ARHGEF12: variants seen among roughly 807,000 people sequenced by gnomAD.
The protein encoded by ARHGEF12 is Rho guanine nucleotide exchange factor 12.
Under a neutral mutation model 211.2 loss-of-function variants are expected in ARHGEF12, and 66 were observed. The ratio of observed to expected loss-of-function variants is 0.31; its 90% confidence interval spans 0.26 to 0.38. ARHGEF12 has a LOEUF of 0.38. Ranked by LOEUF, ARHGEF12 falls within the 10% of genes least tolerant of loss-of-function variation. The pLI, the probability that ARHGEF12 is intolerant of heterozygous loss-of-function variation, is 1.00. For missense variants in ARHGEF12, 1,429 were observed against 1,869.5 expected (o/e 0.76, Z 4.34); for synonymous variants, 592 against 638.4 (o/e 0.93, Z 1.09).
intron 1 of ARHGEF12, among the ~76,000 whole-genome samples, chr11:120,378,879 A>G (rs535359117): frequency 6.6e-6 from 1 of 152,188 alleles, no homozygotes; most frequent in African/African-American, 2.4e-5. Context: ...AAGTCTTTAA[A>G]TAAGGTAATA....
intron 20 of ARHGEF12, chr11:120,448,823 A>T: frequency 3.0e-6 from 1 of 333,296 alleles, no homozygotes. Flanking sequence ...TGTTGAATGG[A>T]TGAATGAATT....
rs540893391 is a variant in ARHGEF12, at chr11:120,487,559, T to C, written c.*2482T>C. The C allele has an allele frequency of 4.7e-6, 1 of 214,046 alleles. No individual in the cohort carries two copies. Among genetic ancestry groups the C allele is most frequent in the South Asian group, 1.9e-4 (1 of 5,344 alleles). The allele number at this position is 214,046 out of a possible 1,614,324, so 13.3% of individuals were successfully genotyped here. A position where few individuals can be genotyped will look rare whatever the true frequency, so the allele number is the denominator to read the frequency against. ...TTCCTTTCAGGATGATGGAATTAGA[T>C]GCAGTCTGTCTTTGAGTGAGACTGG... On this transcript the variant is annotated 3_prime_UTR_variant, in exon 41 of 41. Coordinates refer to ENST00000397843, the MANE Select transcript of ARHGEF12 (RefSeq NM_015313.3).
At chr11:120,373,856 G>A (rs186778285) in intron 1 of ARHGEF12, among the ~76,000 whole-genome samples, 16 of 152,296 alleles carry the variant, frequency 1.1e-4, no homozygotes, top group Admixed American at 9.8e-4. Context: ...TGCCTGGGCT[G>A]GAGTGCAATG....
chr11:120,479,853 A>G (rs2136001666), intron 37 of ARHGEF12, 107 bp from the exon 38 acceptor site: 1 of 852,198 alleles, frequency 1.2e-6, no homozygotes, highest in Middle Eastern at 2.4e-4. Context: ...TCATTAAAAG[A>G]TACTTTTTAA....
intron 1 of ARHGEF12, among the ~76,000 whole-genome samples, chr11:120,351,088 G>A (rs555245598): frequency 1.3e-5 from 2 of 152,024 alleles, no homozygotes; most frequent in African/African-American, 4.8e-5. Context: ...GGTGACTCAC[G>A]CCTATAATCC....
chr11:120,410,796 C>T (rs985082261), intron 4 of ARHGEF12: 1 of 152,160 alleles, frequency 6.6e-6, no homozygotes, highest in African/African-American at 2.4e-5. Context: ...TTTCTTCCTT[C>T]CAGAGTATTT....
chr11:120,337,767 G>T, intron 1 of ARHGEF12: 2 of 985,448 alleles, frequency 2.0e-6, no homozygotes, highest in Non-Finnish European at 2.4e-6. Context: ...ATGTTGACCT[G>T]CACGGTGTTT....
chr11:120,377,810 A>T (rs1943771659), intron 1 of ARHGEF12, among the ~76,000 whole-genome samples: 1 of 152,132 alleles, frequency 6.6e-6, no homozygotes, highest in Admixed American at 6.5e-5. Context: ...GGCTATTTTG[A>T]ATAAATCTGA....
At chr11:120,349,914 A>G (rs1198503100) in intron 1 of ARHGEF12, among the ~76,000 whole-genome samples, 1 of 152,220 alleles carries the variant, frequency 6.6e-6, no homozygotes, top group Non-Finnish European at 1.5e-5. Context: ...TTAGAATTAA[A>G]TGCGTTTGCG....
At position 120,480,446 on chromosome 11, in the gene ARHGEF12, A is replaced by C; in HGVS notation, c.4237+16A>C. Reference sequence around the variant, plus strand: ...CGCATCTCAGGCAAGTATCTTTCACACTTAAACTTTGATTTTGATTTTGAT... The same window carrying C: ...CGCATCTCAGGCAAGTATCTTTCACCCTTAAACTTTGATTTTGATTTTGAT... On this transcript the variant is annotated intron_variant, in intron 38 of 40. Transcript: ENST00000397843. 2.5e-6 allele frequency: 4 copies of C among 1,584,750 alleles called. No individual in the cohort carries two copies. The highest frequency in any genetic ancestry group is 3.4e-6 in the Non-Finnish European group (4 of 1,165,808).
chr11:120,349,869 ATAAT>A (rs1942881476), intron 1 of ARHGEF12, among the ~76,000 whole-genome samples: 2 of 152,192 alleles, frequency 1.3e-5, no homozygotes, highest in South Asian at 4.1e-4. Flanking sequence ...CCTTGCTGTG[ATAAT>A]ATTCCTTATC....
At chr11:120,376,611 T>G (rs1274156687) in intron 1 of ARHGEF12, among the ~76,000 whole-genome samples, 1 of 152,120 alleles carries the variant, frequency 6.6e-6, no homozygotes. Context: ...GTAAATGGGG[T>G]ATCTATTACC....
At chr11:120,357,739 T>C (rs187713995) in intron 1 of ARHGEF12, among the ~76,000 whole-genome samples, 1 of 152,282 alleles carries the variant, frequency 6.6e-6, no homozygotes, top group Admixed American at 6.5e-5. Flanking sequence ...CTGGCTAATT[T>C]CTGTATTTTT....
intron 1 of ARHGEF12, among the ~76,000 whole-genome samples, chr11:120,356,883 A>G (rs1379887075): frequency 1.3e-5 from 2 of 152,152 alleles, no homozygotes; most frequent in Non-Finnish European, 2.9e-5. Context: ...CCTACCCATT[A>G]TTTTACTTAA....
Position 120,467,353 on chromosome 11 carries a change from C to T in ARHGEF12, c.2854+45C>T, listed in dbSNP as rs146547738. 2,055 of 1,169,082 alleles carry T rather than the reference C, an allele frequency of 1.8e-3. 10 individuals are homozygous for T. Among genetic ancestry groups the T allele is most frequent in the Middle Eastern group, 0.014 (72 of 5,146 alleles). 72.4% of individuals were successfully genotyped at this position (1,169,082 alleles called of 1,614,324 possible). On this transcript the variant is annotated intron_variant, in intron 29 of 40. Coordinates refer to ENST00000397843, the MANE Select transcript of ARHGEF12 (RefSeq NM_015313.3). ...ATAAAAAGCTTAAGAACAACAACAA[C>T]GAAACACCCAATATCCTGTAAATAA... is the stretch of plus-strand genomic sequence containing the variant.
At chr11:120,474,995 A>C (rs1039618931) in intron 32 of ARHGEF12, among the ~76,000 whole-genome samples, 1 of 152,082 alleles carries the variant, frequency 6.6e-6, no homozygotes, top group Non-Finnish European at 1.5e-5. Flanking sequence ...CCCAGGCTGG[A>C]GCACAGTGGC....
chr11:120,369,353 T>A (rs887187404), intron 1 of ARHGEF12, among the ~76,000 whole-genome samples: 2 of 152,170 alleles, frequency 1.3e-5, no homozygotes, highest in African/African-American at 4.8e-5. Context: ...GGTCTTGAAC[T>A]CCTGACCTCA....
intron 1 of ARHGEF12, among the ~76,000 whole-genome samples, chr11:120,379,539 T>C (rs1231962698): frequency 1.3e-5 from 2 of 151,982 alleles, no homozygotes; most frequent in Non-Finnish European, 2.9e-5. Flanking sequence ...TTCCATACTC[T>C]ATCAGTTTGG....
At chr11:120,376,782 A>G (rs1336069064) in intron 1 of ARHGEF12, among the ~76,000 whole-genome samples, 1 of 152,002 alleles carries the variant, frequency 6.6e-6, no homozygotes, top group East Asian at 1.9e-4. Flanking sequence ...AACAATCCCA[A>G]CTTCCCCAAC....
Sources: allele counts gnomAD v4.1 joint callset (sites outside exome capture counted in the v4.1 genomes callset), GRCh38; gene constraint gnomAD v4.1.1; transcripts MANE v1.5; gene names NCBI Gene and HGNC (gene_info 2026-07-23, HGNC 2026-07-21).